Variants in PTCD1 observed in about 807,000 individuals in gnomAD.
PTCD1 encodes the protein pentatricopeptide repeat-containing protein 1, mitochondrial.
In PTCD1, 50 loss-of-function variants were observed where a neutral mutation model predicts 53.4. The ratio of observed to expected loss-of-function variants is 0.94; its 90% CI spans 0.75 to 1.19. The LOEUF is 1.19. Ranked by LOEUF, PTCD1 falls within the 50% of genes most tolerant of loss-of-function variation. PTCD1 has a pLI of 0.00. For synonymous variants in PTCD1, 413 were observed against 394.8 expected (o/e 1.05, Z -0.55); for missense variants, 918 against 904.8 (o/e 1.01, Z -0.19).
chr7:99,435,250 T>G lies in PTCD1; in HGVS notation c.-8A>C. 1.9e-6 allele frequency: 3 copies of G among 1,601,192 alleles called. No individual in the cohort carries two copies. The highest frequency in any genetic ancestry group is 2.5e-6 in the Non-Finnish European group (3 of 1,179,972). ...GAGTCTCACGAAGTCCATTTCTGGCTTTCCTGTCCCTCCAGGGCCTGGAAT... is the reference window on the plus strand; with the variant it reads ...GAGTCTCACGAAGTCCATTTCTGGCGTTCCTGTCCCTCCAGGGCCTGGAAT... On this transcript the variant is annotated 5_prime_UTR_variant, in exon 2 of 8. Transcript: ENST00000292478.
rs988776056 is a variant in PTCD1 at position 99,417,308 on chromosome 7, C to T, written c.*2659G>A. The T allele has an allele frequency of 4.0e-6, 4 of 1,005,784 alleles. No homozygotes were observed. Among genetic ancestry groups the T allele is most frequent in the Non-Finnish European group, 6.1e-6 (4 of 659,242 alleles). The allele number at this position is 1,005,784 out of a possible 1,614,324, so 62.3% of individuals were successfully genotyped here. A position where few individuals can be genotyped will look rare whatever the true frequency, so the allele number is the denominator to read the frequency against. ...CCTCAGGTGATCCGCCTGCCTCGGC[C>T]TCCCAAAGTGCTGGGATTACAGGTG... On this transcript the variant is annotated 3_prime_UTR_variant, in exon 8 of 8. Coordinates refer to ENST00000292478, the MANE Select transcript of PTCD1 (RefSeq NM_015545.4).
intron 6 of PTCD1, 143 bp from the exon 7 acceptor site, chr7:99,424,100 T>A: frequency 8.3e-7 from 1 of 1,205,402 alleles, no homozygotes; most frequent in Non-Finnish European, 1.2e-6. Context: ...GTGCTGAATA[T>A]CCCTCTCCAG....
chr7:99,424,771 C>G (rs1239855625), intron 6 of PTCD1, 24 bp downstream of exon 6: 2 of 1,613,244 alleles, frequency 1.2e-6, no homozygotes, highest in African/African-American at 2.7e-5. Context: ...CATGGGTGTC[C>G]TGCCCAGGCC....
At chr7:99,428,401 T>A (rs1584460653) in intron 5 of PTCD1, among the ~76,000 whole-genome samples, 5 of 91,638 alleles carry the variant, frequency 5.5e-5, no homozygotes, top group Admixed American at 1.3e-4. Flanking sequence ...AGACTCCATC[T>A]CAAAAAAAAA....
chr7:99,429,150 T>A lies in PTCD1; in HGVS notation c.868A>T (p.Met290Leu), dbSNP rs1377365268. 5 of 1,613,980 alleles carry A rather than the reference T, an allele frequency of 3.1e-6. No homozygotes were observed. Among genetic ancestry groups the A allele is most frequent in the African/African-American group, 2.7e-5 (2 of 74,890 alleles). Reference sequence around the variant, plus strand: ...GTCTTCTTGTCTTGGATGCAGCCCATGAGCAGGAAACTGAAGGTCTCCTCT... The same window carrying A: ...GTCTTCTTGTCTTGGATGCAGCCCAAGAGCAGGAAACTGAAGGTCTCCTCT... ...VTEETFSFLL[M>L]GCIQDKKTGF... Residue 290 changes from methionine to leucine, a missense_variant, in exon 5 of 8, where the codon ATG becomes TTG. Met to Leu is a conservative substitution (Grantham distance 15, BLOSUM62 2). Coordinates refer to ENST00000292478, the MANE Select transcript of PTCD1 (RefSeq NM_015545.4).
intron 1 of PTCD1, among the ~76,000 whole-genome samples, chr7:99,438,378 G>C (rs1450197044): frequency 6.6e-6 from 1 of 152,044 alleles, no homozygotes; most frequent in Admixed American, 6.6e-5. Context: ...GAGGTGGGAG[G>C]ATCGCTTGAG....
intron 3 of PTCD1, among the ~76,000 whole-genome samples, chr7:99,432,071 C>T (rs1796277599): frequency 6.6e-6 from 1 of 152,204 alleles, no homozygotes; most frequent in East Asian, 1.9e-4. Context: ...GGGACCTCTG[C>T]CCAGGAAAGC....
At position 99,433,344 on chromosome 7, in the gene PTCD1, G is replaced by A. The variant is rs773434722; in HGVS notation, c.528C>T (p.Tyr176=). The A allele has an allele frequency of 3.7e-6, 6 of 1,614,062 alleles. No individual in the cohort carries two copies. The Admixed American group carries it at 6.7e-5, about 18-fold the overall frequency. ...EERLQPMESN[Y]TVLIGGCGRV... is the part of the protein sequence containing the mutation. The stretch of plus-strand genomic sequence containing the variant: ...GCCCGCAGCCCCCAATCAGCACCGT[G>A]TAGTTGCTCTCCATGGGCTGCAATC... Residue 176 remains tyrosine, a synonymous_variant, in exon 3 of 8, where the codon TAC becomes TAT. Transcript: ENST00000292478.
Position 99,435,067 on chromosome 7 carries a change from C to T in PTCD1, c.176G>A (p.Arg59His), listed in dbSNP as rs755121376. Residue 59 changes from arginine (R) to histidine (H), a missense_variant, in exon 2 of 8, where the codon CGT becomes CAT. By Grantham distance (29) the Arg-to-His change is conservative (BLOSUM62 0). Coordinates refer to ENST00000292478, the MANE Select transcript of PTCD1 (RefSeq NM_015545.4). ...GCCCAGGCTGCCCGTGTTTTCCTGA[C>T]GCTCCTGGCCGAGGGGCAGCTGAGA... ...SSSQLPLGQE[R>H]QENTGSLGSD... 62 of 1,611,576 alleles carry T rather than the reference C, an allele frequency of 3.8e-5. No homozygotes were observed. Among genetic ancestry groups the T allele is most frequent in the South Asian group, 1.8e-4 (16 of 91,072 alleles).
At chr7:99,426,306 C>T (rs142843399) in intron 5 of PTCD1, among the ~76,000 whole-genome samples, 7,131 of 152,264 alleles carry the variant, frequency 0.047, 331 homozygotes, top group Admixed American at 0.16. Context: ...TCTCCTGCCT[C>T]AGCCTGCCGA....
At chr7:99,420,182 C>G (rs1795735324) in intron 7 of PTCD1, 33 bp from the exon 8 acceptor site, 7 of 1,613,278 alleles carry the variant, frequency 4.3e-6, no homozygotes, top group Non-Finnish European at 5.1e-6. Context: ...AGAATCACTC[C>G]TGTTACCTAC....
Position 99,418,459 on chromosome 7 carries a change from GC to G in PTCD1, c.*1507del, listed in dbSNP as rs747775744. 1 of 152,988 alleles carries G rather than the reference GC, an allele frequency of 6.5e-6. No homozygotes were observed. Among genetic ancestry groups the G allele is most frequent in the Non-Finnish European group, 1.5e-5 (1 of 68,722 alleles). 9.5% of individuals were successfully genotyped at this position (152,988 alleles called of 1,614,324 possible). On this transcript the variant is annotated 3_prime_UTR_variant, in exon 8 of 8. Coordinates refer to ENST00000292478, the MANE Select transcript of PTCD1 (RefSeq NM_015545.4). ...CCTCAGCACAGTTGTTGGCCCCACC[GC>G]CCATCTGCCAGCCTGGCCTTCTTTT...
At chr7:99,436,305 G>A (rs1177470037) in intron 1 of PTCD1, among the ~76,000 whole-genome samples, 1 of 152,022 alleles carries the variant, frequency 6.6e-6, no homozygotes, top group Non-Finnish European at 1.5e-5. Context: ...ACAAGTGATG[G>A]CAGATTGAAC....
chr7:99,434,547 G>C (rs1796386265), intron 2 of PTCD1, among the ~76,000 whole-genome samples: 2 of 149,396 alleles, frequency 1.3e-5, no homozygotes, highest in Non-Finnish European at 3.0e-5. Context: ...CTGTGACTCA[G>C]GCTGGAGTCT....
Position 99,435,071 on chromosome 7 carries a change from C to G in PTCD1, c.172G>C (p.Glu58Gln), listed in dbSNP as rs753255115. ...AGGCTGCCCGTGTTTTCCTGACGCT[C>G]CTGGCCGAGGGGCAGCTGAGAGGAG... Reference protein sequence around the residue: ...SSSSQLPLGQERQENTGSLGS... With the variant: ...SSSSQLPLGQQRQENTGSLGS... The change falls in exon 2 of 8, where the codon GAG (glutamate) becomes CAG (glutamine). Residue 58 changes from glutamate (E) to glutamine (Q), a missense_variant. Coordinates refer to ENST00000292478, the MANE Select transcript of PTCD1 (RefSeq NM_015545.4). 22 of 1,611,468 alleles carry G rather than the reference C, an allele frequency of 1.4e-5. No individual in the cohort carries two copies. In the Admixed American group the frequency reaches 2.5e-4, roughly 18 times the overall value.
Position 99,432,961 on chromosome 7 carries a change from A to C in PTCD1, c.594+317T>G, listed in dbSNP as rs975933844. 20 of 450,790 alleles carry C rather than the reference A, an allele frequency of 4.4e-5. No homozygotes were observed. The Admixed American group carries it at 6.5e-4, about 15-fold the overall frequency. 27.9% of individuals were successfully genotyped at this position (450,790 alleles called of 1,614,324 possible). ...CTACTGGCGAGGCTGAGGCAGGAGGAACTCTTGAGCCAAGGAGTTGGAGGC... is the reference window on the plus strand; with the variant it reads ...CTACTGGCGAGGCTGAGGCAGGAGGCACTCTTGAGCCAAGGAGTTGGAGGC... On this transcript the variant is annotated intron_variant, in intron 3 of 7. Transcript: ENST00000292478.
chr7:99,436,151 C>A (rs1226241839), intron 1 of PTCD1, among the ~76,000 whole-genome samples: 2 of 152,012 alleles, frequency 1.3e-5, no homozygotes, highest in Admixed American at 6.6e-5. Flanking sequence ...GCTATGTGCC[C>A]AGGCTGGTCT....
intron 5 of PTCD1, among the ~76,000 whole-genome samples, chr7:99,428,408 A>C (rs1310958050): frequency 6.6e-6 from 1 of 151,232 alleles, no homozygotes; most frequent in African/African-American, 2.4e-5. Flanking sequence ...ATCTCAAAAA[A>C]AAAAAAAAAA....
intron 1 of PTCD1, among the ~76,000 whole-genome samples, chr7:99,437,503 C>T (rs1196658163): frequency 3.3e-5 from 5 of 152,074 alleles, no homozygotes; most frequent in Non-Finnish European, 7.4e-5. Flanking sequence ...CAGGGTTTCA[C>T]CATGTTGGCC....
Sources: gnomAD v4.1 joint callset for allele counts (sites outside exome capture counted in the v4.1 genomes callset) on GRCh38, gnomAD v4.1.1 for gene constraint, MANE v1.5 for transcripts, NCBI Gene and HGNC (gene_info 2026-07-23, HGNC 2026-07-21) for gene names.